Variants in PRKN observed in about 807,000 individuals in gnomAD.
The protein encoded by PRKN is parkin RBR E3 ubiquitin protein ligase.
PRKN carries 56 observed loss-of-function variants against 59.5 expected under a neutral mutation model. The ratio of observed to expected loss-of-function variants is 0.94; its 90% confidence interval spans 0.76 to 1.18. The LOEUF is 1.18. Ranked by LOEUF, PRKN falls within the 50% of genes most tolerant of loss-of-function variation. PRKN has a pLI of 0.00. For missense variants in PRKN, 657 were observed against 596.4 expected (o/e 1.10, Z -1.06); for synonymous variants, 250 against 222.1 (o/e 1.13, Z -1.12).
intron 1 of PRKN, among the ~76,000 whole-genome samples, chr6:162,623,587 C>T (rs919428632): frequency 9.9e-5 from 15 of 152,012 alleles, no homozygotes; most frequent in African/African-American, 2.9e-4. Flanking sequence ...AGAGACTGGC[C>T]GAAGAAAAGT....
rs565910361 is a variant in PRKN, at chr6:161,476,002, C to T, written c.1083+72852G>A. ...GAGATGGAGACCATCCTGGTTAACA[C>T]GGTGAAAGCCTGTCTCTACTAAAAA... On this transcript the variant is annotated intron_variant, in intron 9 of 11. Transcript: ENST00000366898. 6.5e-3 allele frequency among the ~76,000 whole-genome samples: 984 copies of T among 151,978 alleles called. 12 individuals carry two copies. Among genetic ancestry groups the T allele is most frequent in the African/African-American group, 0.022 (908 of 41,466 alleles).
chr6:161,909,114 A>G (rs1778258821), intron 6 of PRKN, among the ~76,000 whole-genome samples: 1 of 152,230 alleles, frequency 6.6e-6, no homozygotes, highest in Non-Finnish European at 1.5e-5. Context: ...TACATGGAGA[A>G]CTAAATCCGC....
intron 1 of PRKN, among the ~76,000 whole-genome samples, chr6:162,478,491 C>G (rs967176766): frequency 6.6e-6 from 1 of 152,116 alleles, no homozygotes; most frequent in African/African-American, 2.4e-5. Flanking sequence ...CCTGCACAGC[C>G]AGTGAACAAT....
intron 3 of PRKN, among the ~76,000 whole-genome samples, chr6:162,212,702 T>C (rs1322186240): frequency 1.3e-5 from 2 of 152,180 alleles, no homozygotes; most frequent in Admixed American, 1.3e-4. Context: ...GATTGTGGAA[T>C]TGTGCAAACA....
Position 161,397,159 on chromosome 6 carries a change from G to A in PRKN, c.1084-10282C>T, listed in dbSNP as rs73606928. Among the ~76,000 whole-genome samples, 1,908 of 152,274 alleles carry A rather than the reference G, an allele frequency of 0.013. 42 individuals carry two copies. Among genetic ancestry groups the A allele is most frequent in the African/African-American group, 0.043 (1,791 of 41,542 alleles). Reference sequence around the variant, plus strand: ...ACCTATCTCCTCTTCTAAAGGGATAGGATTTGTATCTTATTCATCTTTGTC... The same window carrying A: ...ACCTATCTCCTCTTCTAAAGGGATAAGATTTGTATCTTATTCATCTTTGTC... On this transcript the variant is annotated intron_variant, in intron 9 of 11. Transcript: ENST00000366898. This position sits in a 1 kb window ranked among gnomAD's most constrained non-coding sequence, Gnocchi z 4.2.
chr6:162,546,844 A>C (rs892960040), intron 1 of PRKN, among the ~76,000 whole-genome samples: 4 of 152,160 alleles, frequency 2.6e-5, no homozygotes, highest in South Asian at 4.1e-4. Flanking sequence ...AGACTGAAAC[A>C]ACCACCACCA....
chr6:162,374,378 T>C (rs1785935192), intron 2 of PRKN, among the ~76,000 whole-genome samples: 1 of 143,900 alleles, frequency 6.9e-6, no homozygotes, highest in African/African-American at 2.6e-5. Flanking sequence ...AGATAAAACC[T>C]GGTCTGCTAT....
chr6:161,903,699 C>A (rs1377156714), intron 6 of PRKN, among the ~76,000 whole-genome samples: 1 of 151,820 alleles, frequency 6.6e-6, no homozygotes, highest in Admixed American at 6.6e-5. Context: ...GAATATTTTG[C>A]CTCAGAATGA....
chr6:162,478,073 G>C (rs146889232), intron 1 of PRKN, among the ~76,000 whole-genome samples: 85 of 152,236 alleles, frequency 5.6e-4, no homozygotes, highest in African/African-American at 1.8e-3. Flanking sequence ...TCCACGGTGA[G>C]ATCTTCTTCC....
chr6:161,392,953 T>C (rs1308070862), intron 9 of PRKN, among the ~76,000 whole-genome samples: 1 of 152,142 alleles, frequency 6.6e-6, no homozygotes, highest in African/African-American at 2.4e-5. Context: ...ATAGCACATT[T>C]TAATCTGTGA....
In PRKN at chr6:162,391,405, C is replaced by G. The variant is rs143093721; in HGVS notation, c.171+51905G>C. ...CATGCTTGACGTGGATTTCGAACAT[C>G]TGCAATGACTTCCTCCTGGAAGATA... On this transcript the variant is annotated intron_variant, in intron 2 of 11. Coordinates refer to ENST00000366898, the MANE Select transcript of PRKN (RefSeq NM_004562.3). Among the ~76,000 whole-genome samples, 31 of 151,638 alleles carry G rather than the reference C, an allele frequency of 2.0e-4. No individual in the cohort carries two copies. The East Asian group carries it at 6.1e-3, about 30-fold the overall frequency.
intron 2 of PRKN, among the ~76,000 whole-genome samples, chr6:162,268,012 G>A (rs1481346641): frequency 6.6e-6 from 1 of 151,992 alleles, no homozygotes; most frequent in Non-Finnish European, 1.5e-5. Flanking sequence ...TTCTAAAATT[G>A]TTAACAATAC....
intron 9 of PRKN, among the ~76,000 whole-genome samples, chr6:161,394,065 A>G (rs1004592646): frequency 6.6e-6 from 1 of 152,218 alleles, no homozygotes; most frequent in African/African-American, 2.4e-5. Flanking sequence ...AAGTCTCCCT[A>G]TGAGTCACCA....
At position 161,451,011 on chromosome 6, in the gene PRKN, G is replaced by A. The variant is rs1182087110; in HGVS notation, c.1084-64134C>T. ...AAGTCAAACACTTTTGCCTGTGGAA[G>A]AGCCCAGGGCCTGCATTCTTGTTTT... On this transcript the variant is annotated intron_variant, in intron 9 of 11. Transcript: ENST00000366898. This position sits in a 1 kb window ranked among gnomAD's most constrained non-coding sequence, Gnocchi z 5.9. Among the ~76,000 whole-genome samples, 2 of 152,122 alleles carry A rather than the reference G, an allele frequency of 1.3e-5. No homozygotes were observed. Among genetic ancestry groups the A allele is most frequent in the Admixed American group, 6.5e-5 (1 of 15,272 alleles).
chr6:162,270,587 G>T (rs1583294800), intron 2 of PRKN: 1 of 152,098 alleles, frequency 6.6e-6, no homozygotes. Flanking sequence ...GAACATTTCT[G>T]ATTTTTATTT....
chr6:162,559,745 T>C (rs1027602378), intron 1 of PRKN, among the ~76,000 whole-genome samples: 2 of 152,370 alleles, frequency 1.3e-5, no homozygotes, highest in Non-Finnish European at 2.9e-5. Context: ...TCTCCACCTG[T>C]ACCTTAGCCT....
chr6:162,443,400 C>T lies in PRKN; in HGVS notation c.81G>A (p.Lys27=), dbSNP rs1317512001. 6.2e-7 allele frequency: 1 copy of T among 1,614,038 alleles called. No individual in the cohort carries two copies. Among genetic ancestry groups the T allele is most frequent in the Non-Finnish European group, 8.5e-7 (1 of 1,179,970 alleles). The stretch of plus-strand genomic sequence containing the variant: ...CCCCCTGTCGCTTAGCAACCACCTC[C>T]TTGAGCTGGAAGATGCTGGTGTCAG... The part of the protein sequence containing the change: ...VDSDTSIFQL[K]EVVAKRQGVP... Residue 27 remains lysine (K), a synonymous_variant, in exon 2 of 12, where the codon AAG becomes AAA. Coordinates refer to ENST00000366898, the MANE Select transcript of PRKN (RefSeq NM_004562.3).
chr6:162,475,797 A>G (rs1791981696), intron 1 of PRKN, among the ~76,000 whole-genome samples: 1 of 152,212 alleles, frequency 6.6e-6, no homozygotes. Flanking sequence ...TCGCAATCTC[A>G]GCTCACTGCA....
At chr6:162,233,358 C>T (rs899458266) in intron 3 of PRKN, among the ~76,000 whole-genome samples, 5 of 152,190 alleles carry the variant, frequency 3.3e-5, no homozygotes, top group African/African-American at 9.6e-5. Context: ...CAAGATAATG[C>T]ATATCTCGTA....
Sources: gnomAD v4.1 joint callset for allele counts (sites outside exome capture counted in the v4.1 genomes callset) on GRCh38, gnomAD v4.1.1 for gene constraint, Gnocchi (gnomAD v3.1) non-coding constraint, MANE v1.5 for transcripts, NCBI Gene and HGNC (gene_info 2026-07-23, HGNC 2026-07-21) for gene names.